Variants in MTMR9 observed in about 807,000 individuals in gnomAD.
MTMR9 encodes the protein myotubularin-related protein 9.
MTMR9 carries 39 observed loss-of-function variants against 69.5 expected under a neutral mutation model. The observed-to-expected ratio is 0.56, with a 90% confidence interval of 0.43 to 0.73. The LOEUF (loss-of-function observed/expected upper bound fraction) is 0.73. Among genes scored for constraint, MTMR9 ranks in the 30% least tolerant of loss-of-function variants. The pLI is 0.00. For synonymous variants in MTMR9, 354 were observed against 240.8 expected, an observed-to-expected ratio of 1.47 and a Z score of -4.35; for missense variants, 900 against 671.2, an observed-to-expected ratio of 1.34 and a Z score of -3.77.
intron 3 of MTMR9, among the ~76,000 whole-genome samples, chr8:11,304,298 A>G (rs537540118): frequency 1.3e-5 from 2 of 152,298 alleles, no homozygotes; most frequent in East Asian, 3.9e-4. Flanking sequence ...TTTGATATAG[A>G]TAGTAGCTGT....
the MTMR9 span, among the ~76,000 whole-genome samples, chr8:11,339,219 C>G: frequency 6.6e-6 from 1 of 152,194 alleles, no homozygotes; most frequent in African/African-American, 2.4e-5. Flanking sequence ...AGTGGTAGCT[C>G]CAATCAAACA....
chr8:11,292,286 A>G (rs1799402040), intron 1 of MTMR9, among the ~76,000 whole-genome samples: 1 of 152,174 alleles, frequency 6.6e-6, no homozygotes, highest in Non-Finnish European at 1.5e-5. Flanking sequence ...GTTGTTTTTA[A>G]TATTCTTATG....
At chr8:11,287,868 TTATAATA>T (rs1799229972) in intron 1 of MTMR9, among the ~76,000 whole-genome samples, 1 of 110,240 alleles carries the variant, frequency 9.1e-6, no homozygotes, top group South Asian at 2.3e-4. Flanking sequence ...ATATATTATA[TTATAATA>T]TATAACATAT....
chr8:11,320,102 G>A (rs1800611918), intron 9 of MTMR9: 3 of 365,696 alleles, frequency 8.2e-6, no homozygotes, highest in East Asian at 5.3e-5. Context: ...AGATAAGAAA[G>A]TACCTTACTC....
chr8:11,303,990 A>G (rs914698531), intron 3 of MTMR9, among the ~76,000 whole-genome samples: 2 of 152,128 alleles, frequency 1.3e-5, no homozygotes, highest in Admixed American at 6.5e-5. Context: ...TCTTCCTGCT[A>G]TTGTAACCCA....
the MTMR9 span, among the ~76,000 whole-genome samples, chr8:11,336,551 T>C: frequency 6.6e-6 from 1 of 152,258 alleles, no homozygotes; most frequent in African/African-American, 2.4e-5. Flanking sequence ...CTTTACAATT[T>C]CCTGGGCAGC....
At chr8:11,312,007 A>C (rs535130041) in intron 6 of MTMR9, among the ~76,000 whole-genome samples, 2 of 151,872 alleles carry the variant, frequency 1.3e-5, no homozygotes, top group East Asian at 3.9e-4. Flanking sequence ...AAGTTTCATC[A>C]TGAAATTGCA....
the MTMR9 span, among the ~76,000 whole-genome samples, chr8:11,338,475 G>C: frequency 6.6e-6 from 1 of 152,166 alleles, no homozygotes; most frequent in Non-Finnish European, 1.5e-5. Context: ...TAGAATTTCA[G>C]AATAGCAGAG....
At chr8:11,317,629 T>A (rs1800482726) in intron 8 of MTMR9, 1 of 152,142 alleles carries the variant, frequency 6.6e-6, no homozygotes, top group African/African-American at 2.4e-5. Flanking sequence ...GGCCTGGGGT[T>A]TGGGGATCCC....
rs994418463 is a variant in MTMR9 at position 11,306,369 on chromosome 8, T to G, written c.771T>G (p.His257Gln). The G allele has an allele frequency of 4.3e-6, 7 of 1,613,946 alleles. No homozygotes were observed. The African/African-American group carries it at 8.0e-5, about 18-fold the overall frequency. Residue 257 changes from histidine (H) to glutamine (Q), a missense_variant, in exon 5 of 10, where the codon CAT (histidine) becomes CAG (glutamine). Coordinates refer to ENST00000221086, the MANE Select transcript of MTMR9 (RefSeq NM_015458.4). ...GAGGTGGCTTTGAACAAGAAGCTCATTATCCTCAGTGGAGGCGAATTCATA... is the reference window on the plus strand; with the variant it reads ...GAGGTGGCTTTGAACAAGAAGCTCAGTATCCTCAGTGGAGGCGAATTCATA... ...AKGGGFEQEA[H>Q]YPQWRRIHKS... is the part of the protein sequence containing the mutation.
At chr8:11,300,639 G>A (rs1350662696) in intron 3 of MTMR9, 1 of 152,104 alleles carries the variant, frequency 6.6e-6, no homozygotes, top group Non-Finnish European at 1.5e-5. Context: ...AGAGCAGAAA[G>A]CAATAAAATA....
intron 3 of MTMR9, chr8:11,300,393 C>T (rs986218312): frequency 5.6e-5 from 16 of 284,846 alleles, no homozygotes; most frequent in African/African-American, 2.0e-4. Context: ...TTAAACAGAA[C>T]GCTTGTAAAT....
intron 3 of MTMR9, 99 bp from the exon 4 acceptor site, chr8:11,304,742 C>A (rs1349702953): frequency 8.4e-7 from 1 of 1,184,800 alleles, no homozygotes; most frequent in Non-Finnish European, 1.2e-6. Flanking sequence ...ATGGCTTCTT[C>A]ATCAGTGAAA....
At chr8:11,337,822 C>T in the MTMR9 span, among the ~76,000 whole-genome samples, 4 of 152,224 alleles carry the variant, frequency 2.6e-5, no homozygotes, top group South Asian at 2.1e-4. Flanking sequence ...CTGTCACTTC[C>T]TACTCTGCTG....
chr8:11,332,096 T>C (rs1314103789), downstream of MTMR9: 1 of 1,609,980 alleles, frequency 6.2e-7, no homozygotes, highest in African/African-American at 1.3e-5. Context: ...ACCTCAGCTG[T>C]GAGAGGACAG....
At chr8:11,300,680 T>A (rs1391108986) in intron 3 of MTMR9, 3 of 152,266 alleles carry the variant, frequency 2.0e-5, no homozygotes, top group Non-Finnish European at 2.9e-5. Flanking sequence ...CAAAGTTGGT[T>A]GATATAAGAT....
intron 5 of MTMR9, among the ~76,000 whole-genome samples, chr8:11,307,545 T>C (rs1799985966): frequency 6.6e-6 from 1 of 152,218 alleles, no homozygotes; most frequent in Non-Finnish European, 1.5e-5. Context: ...TCGTTTCCGA[T>C]ATTCAAAATA....
chr8:11,313,965 G>A (rs1255872118), intron 6 of MTMR9, among the ~76,000 whole-genome samples: 2 of 152,336 alleles, frequency 1.3e-5, no homozygotes, highest in East Asian at 3.9e-4. Context: ...GGAAAATGCA[G>A]TATCTGTGAA....
At chr8:11,296,659 T>G (rs1799573387) in intron 2 of MTMR9, among the ~76,000 whole-genome samples, 2 of 152,192 alleles carry the variant, frequency 1.3e-5, no homozygotes, top group African/African-American at 4.8e-5. Flanking sequence ...TTGTGACTGG[T>G]TTTTTTCACT....
Sources: allele counts gnomAD v4.1 joint callset (sites outside exome capture counted in the v4.1 genomes callset), GRCh38; gene constraint gnomAD v4.1.1; transcripts MANE v1.5; gene names NCBI Gene and HGNC (gene_info 2026-07-23, HGNC 2026-07-21).